STK33: variants seen among roughly 807,000 people sequenced by gnomAD.
STK33 encodes the protein serine/threonine kinase 33.
STK33 carries 52 observed loss-of-function variants against 58.0 expected under a neutral mutation model. The ratio of observed to expected loss-of-function variants is 0.90; its 90% CI spans 0.72 to 1.13. The LOEUF is 1.13. Ranked by LOEUF, STK33 falls within the 50% of genes most tolerant of loss-of-function variation. STK33 has a pLI of 0.00. For missense variants in STK33, 630 were observed against 604.2 expected (o/e 1.04, Z -0.45); for synonymous variants, 215 against 200.1 (o/e 1.07, Z -0.63).
intron 15 of STK33, among the ~76,000 whole-genome samples, chr11:8,399,712 AG>A (rs1416652085): frequency 6.6e-6 from 1 of 152,250 alleles, no homozygotes; most frequent in Admixed American, 6.5e-5. Flanking sequence ...CAAAATTGAT[AG>A]ACCACTAGCA....
intron 1 of STK33, chr11:8,581,029 A>G (rs1309517187): frequency 2.0e-5 from 3 of 151,982 alleles, no homozygotes; most frequent in African/African-American, 7.3e-5. Flanking sequence ...TATCCCTGAC[A>G]TTTCCCTCCA....
the STK33 span, among the ~76,000 whole-genome samples, chr11:8,339,601 A>G: frequency 2.6e-5 from 4 of 152,254 alleles, no homozygotes. Flanking sequence ...TCGGCGGCAG[A>G]GGCGCCCGGC....
At chr11:8,490,652 G>C in intron 1 of STK33, among the ~76,000 whole-genome samples, 1 of 152,118 alleles carries the variant, frequency 6.6e-6, no homozygotes, top group Middle Eastern at 3.2e-3. Flanking sequence ...CCTAACTGGA[G>C]ACACCTTCCA....
intron 14 of STK33, among the ~76,000 whole-genome samples, chr11:8,432,433 T>C (rs1943535816): frequency 6.6e-6 from 1 of 152,194 alleles, no homozygotes; most frequent in Admixed American, 6.5e-5. Context: ...AACTCTTCCT[T>C]TGCAAGAAAG....
Position 8,474,837 on chromosome 11 carries a change from A to T in STK33, c.69T>A (p.Asp23Glu), listed in dbSNP as rs1484735540. ...TTTTGCTGGAACATACACAAAGTAC[A>T]TCTTTCTGAGAAGCAGATGAACAGT... ...CPDCSSASQK[D>E]VLCVCSSKTR... Residue 23 changes from aspartate to glutamate, a missense_variant, in exon 5 of 16, where the codon GAT becomes GAA. Asp to Glu is a conservative substitution (Grantham distance 45). Coordinates refer to ENST00000687296, the MANE Select transcript of STK33 (RefSeq NM_001352389.2). 1 of 1,611,216 alleles carries T rather than the reference A, an allele frequency of 6.2e-7. No homozygotes were observed. Among genetic ancestry groups the T allele is most frequent in the African/African-American group, 1.3e-5 (1 of 74,800 alleles).
At position 8,535,011 on chromosome 11, in the gene STK33, G is replaced by C. The variant is rs186762828; in HGVS notation, c.-465-54397C>G. Among the ~76,000 whole-genome samples the C allele has an allele frequency of 1.0e-3, 157 of 152,272 alleles. 1 individual carries two copies. Among genetic ancestry groups the C allele is most frequent in the African/African-American group, 3.5e-3 (147 of 41,574 alleles). Reference sequence around the variant, plus strand: ...TAGAAAGACGTCAGAGAAGGGGAGAGAGAGTATGGAAAGTCATCCCTAAGC... The same window carrying C: ...TAGAAAGACGTCAGAGAAGGGGAGACAGAGTATGGAAAGTCATCCCTAAGC... On this transcript the variant is annotated intron_variant, in intron 1 of 15. Coordinates refer to ENST00000687296, the MANE Select transcript of STK33 (RefSeq NM_001352389.2).
intron 15 of STK33, among the ~76,000 whole-genome samples, chr11:8,405,838 C>G (rs1283450566): frequency 1.3e-5 from 2 of 152,098 alleles, no homozygotes; most frequent in African/African-American, 4.8e-5. Flanking sequence ...GCTTTGAAAT[C>G]TCTGTCAAAA....
intron 6 of STK33, chr11:8,466,657 T>C (rs1948220276): frequency 6.6e-6 from 1 of 152,248 alleles, no homozygotes; most frequent in African/African-American, 2.4e-5. Context: ...TCTACTATTC[T>C]AGGGTCTGGA....
intron 6 of STK33, chr11:8,466,932 T>G (rs1948256599): frequency 6.6e-6 from 1 of 152,304 alleles, no homozygotes; most frequent in Non-Finnish European, 1.5e-5. Flanking sequence ...GCTTGAGGCT[T>G]GCACCCTCTG....
intron 10 of STK33, 67 bp from the exon 11 acceptor site, chr11:8,452,973 A>C (rs1946463021): frequency 1.5e-6 from 2 of 1,329,718 alleles, no homozygotes; most frequent in Non-Finnish European, 2.2e-6. Flanking sequence ...TCTGAAGATA[A>C]GACTTCACAT....
At chr11:8,513,185 G>A (rs1017855793) in intron 1 of STK33, among the ~76,000 whole-genome samples, 1 of 152,180 alleles carries the variant, frequency 6.6e-6, no homozygotes, top group African/African-American at 2.4e-5. Context: ...TGGAGAGCGT[G>A]TGGAGCTAAC....
chr11:8,590,540 T>A (rs1006561822), intron 1 of STK33, among the ~76,000 whole-genome samples: 1 of 152,192 alleles, frequency 6.6e-6, no homozygotes, highest in African/African-American at 2.4e-5. Flanking sequence ...GACAAGTCAA[T>A]GGTTAAGAAA....
intron 1 of STK33, among the ~76,000 whole-genome samples, chr11:8,545,545 C>T (rs1353795142): frequency 6.6e-6 from 1 of 152,104 alleles, no homozygotes; most frequent in Admixed American, 6.5e-5. Context: ...TTACTAAGTA[C>T]TCTTTAAGGG....
intron 11 of STK33, among the ~76,000 whole-genome samples, chr11:8,441,645 C>A (rs1483440722): frequency 3.9e-5 from 6 of 152,096 alleles, no homozygotes; most frequent in African/African-American, 1.4e-4. Flanking sequence ...GCGTGAGACA[C>A]CACACTCAGC....
chr11:8,365,332 G>A, the STK33 span, among the ~76,000 whole-genome samples: 1 of 152,076 alleles, frequency 6.6e-6, no homozygotes, highest in Non-Finnish European at 1.5e-5. Context: ...AAGCTGACGG[G>A]GACCTTCCCT....
At chr11:8,471,361 TTTC>T (rs897417066) in intron 6 of STK33, among the ~76,000 whole-genome samples, 9 of 152,210 alleles carry the variant, frequency 5.9e-5, no homozygotes, top group Admixed American at 1.3e-4. Flanking sequence ...GAGAAAACAG[TTTC>T]TTATTTCTAA....
At chr11:8,534,300 G>A (rs1444231861) in intron 1 of STK33, among the ~76,000 whole-genome samples, 8 of 151,580 alleles carry the variant, frequency 5.3e-5, no homozygotes, top group Admixed American at 4.6e-4. Flanking sequence ...TTGTTTATAC[G>A]TGCATTTTTC....
chr11:8,409,524 G>C (rs1402122971), intron 15 of STK33, among the ~76,000 whole-genome samples: 2 of 152,104 alleles, frequency 1.3e-5, no homozygotes, highest in Non-Finnish European at 2.9e-5. Flanking sequence ...GGATATGCAT[G>C]TACAAATTAT....
chr11:8,502,095 T>A (rs1591513501), intron 1 of STK33, among the ~76,000 whole-genome samples: 1 of 152,272 alleles, frequency 6.6e-6, no homozygotes, highest in East Asian at 1.9e-4. Context: ...CATAGTGTGA[T>A]GATTGTACAA....
Sources: allele counts gnomAD v4.1 joint callset (sites outside exome capture counted in the v4.1 genomes callset), GRCh38; gene constraint gnomAD v4.1.1; transcripts MANE v1.5; gene names NCBI Gene and HGNC (gene_info 2026-07-23, HGNC 2026-07-21).